The following VAT1L variants were observed in gnomAD, a reference collection of about 807,000 sequenced individuals.
VAT1L encodes vesicle amine transport 1 like.
A neutral mutation model predicts 44.1 loss-of-function variants in VAT1L; 34 were observed. The ratio of observed to expected loss-of-function variants is 0.77; its 90% CI spans 0.59 to 1.03. The LOEUF (loss-of-function observed/expected upper bound fraction) is 1.03, where lower values mean the gene tolerates loss of function less well. Ranked by LOEUF, VAT1L falls within the 50% of genes least tolerant of loss-of-function variation. The pLI is 0.00. For synonymous variants in VAT1L, 253 were observed against 202.2 expected (o/e 1.25, Z -2.13); for missense variants, 615 against 538.8 (o/e 1.14, Z -1.40).
At chr16:77,881,962 C>T (rs1225827710) in intron 6 of VAT1L, 1 of 152,244 alleles carries the variant, frequency 6.6e-6, no homozygotes, top group Admixed American at 6.5e-5. Context: ...ATAATTGCAG[C>T]GTGCCCATGC....
intron 7 of VAT1L, among the ~76,000 whole-genome samples, chr16:77,911,265 G>T (rs1170882444): frequency 6.6e-6 from 1 of 152,178 alleles, no homozygotes; most frequent in African/African-American, 2.4e-5. Context: ...AGCAGCCAAG[G>T]TCCTTGGTTA....
intron 7 of VAT1L, among the ~76,000 whole-genome samples, chr16:77,929,229 C>G (rs1435540714): frequency 6.6e-6 from 1 of 152,298 alleles, no homozygotes; most frequent in East Asian, 1.9e-4. Context: ...GAAATTCCCC[C>G]TCTCCTTCAA....
At chr16:77,950,430 ACACACAC>A (rs1205121167) in intron 7 of VAT1L, among the ~76,000 whole-genome samples, 5 of 151,534 alleles carry the variant, frequency 3.3e-5, no homozygotes, top group Non-Finnish European at 7.4e-5. Flanking sequence ...ACACACACAC[ACACACAC>A]ACACACACAC....
At chr16:77,949,558 G>C (rs1027107903) in intron 7 of VAT1L, among the ~76,000 whole-genome samples, 1 of 152,170 alleles carries the variant, frequency 6.6e-6, no homozygotes, top group Non-Finnish European at 1.5e-5. Flanking sequence ...CTCCCTGCAG[G>C]AATGGAGAGT....
chr16:77,926,047 G>A (rs988534384), intron 7 of VAT1L, among the ~76,000 whole-genome samples: 6 of 150,074 alleles, frequency 4.0e-5, no homozygotes, highest in Non-Finnish European at 7.4e-5. Flanking sequence ...TGGGTCACGA[G>A]GTCAGGAGAT....
chr16:77,970,440 G>C (rs2018267042), intron 7 of VAT1L, among the ~76,000 whole-genome samples: 1 of 152,194 alleles, frequency 6.6e-6, no homozygotes, highest in Non-Finnish European at 1.5e-5. Context: ...TGGAGCTAGA[G>C]ATTAAAACAT....
chr16:77,861,506 G>T (rs1026712719), intron 3 of VAT1L, among the ~76,000 whole-genome samples: 2 of 152,284 alleles, frequency 1.3e-5, no homozygotes, highest in East Asian at 3.9e-4. Flanking sequence ...TGGACATCTC[G>T]GCAATGGATA....
intron 7 of VAT1L, among the ~76,000 whole-genome samples, chr16:77,969,618 G>A (rs987574959): frequency 6.6e-6 from 1 of 151,990 alleles, no homozygotes; most frequent in Non-Finnish European, 1.5e-5. Flanking sequence ...TGGAAGTCAC[G>A]GTCCTTTATT....
intron 2 of VAT1L, among the ~76,000 whole-genome samples, chr16:77,820,524 A>G (rs529557361): frequency 4.6e-5 from 7 of 152,128 alleles, no homozygotes; most frequent in Non-Finnish European, 8.8e-5. Context: ...TAAGAGAAGG[A>G]CCCTCAAACC....
intron 1 of VAT1L, among the ~76,000 whole-genome samples, chr16:77,796,402 G>T (rs1003943122): frequency 1.3e-5 from 2 of 152,174 alleles, no homozygotes; most frequent in Non-Finnish European, 2.9e-5. Context: ...CATGGGGTAG[G>T]TGTCACTGAA....
At position 77,938,779 on chromosome 16, in the gene VAT1L, C is replaced by T. The variant is rs544246029; in HGVS notation, c.1078-33071C>T. Reference sequence around the variant, plus strand: ...TTACCCAGTCTCAGGTATTTCTTTACAGCACTGTGAGAACAGACTAATACA... The same window carrying T: ...TTACCCAGTCTCAGGTATTTCTTTATAGCACTGTGAGAACAGACTAATACA... On this transcript the variant is annotated intron_variant, in intron 7 of 8. Transcript: ENST00000302536. Among the ~76,000 whole-genome samples, 6 of 152,288 alleles carry T rather than the reference C, an allele frequency of 3.9e-5. No individual in the cohort carries two copies. In the East Asian group the frequency reaches 1.2e-3, roughly 29 times the overall value.
rs569695682 is a variant in VAT1L at position 77,884,077 on chromosome 16, C to G, written c.883-531C>G. On this transcript the variant is annotated intron_variant, in intron 6 of 8. Transcript: ENST00000302536. The surrounding 1 kb of genome is among the most constrained non-coding windows in gnomAD (Gnocchi z 4.5). Reference sequence around the variant, plus strand: ...ATGTGGCCATGTAGTTAGTTTTGGGCTCTCTCTCCCACTTAGACCTGAGCG... The same window carrying G: ...ATGTGGCCATGTAGTTAGTTTTGGGGTCTCTCTCCCACTTAGACCTGAGCG... Among the ~76,000 whole-genome samples the G allele has an allele frequency of 2.6e-5, 4 of 152,280 alleles. No individual in the cohort carries two copies. The East Asian group carries it at 7.7e-4, about 29-fold the overall frequency.
chr16:77,936,094 G>C (rs560658565), intron 7 of VAT1L, among the ~76,000 whole-genome samples: 19 of 152,266 alleles, frequency 1.2e-4, no homozygotes, highest in African/African-American at 4.3e-4. Flanking sequence ...TAAGGTTGTG[G>C]GGAGACTATC....
chr16:77,817,551 A>G (rs1223588072), intron 2 of VAT1L, among the ~76,000 whole-genome samples: 1 of 152,200 alleles, frequency 6.6e-6, no homozygotes, highest in African/African-American at 2.4e-5. Context: ...TTTTGGATGA[A>G]GAAGATGTTA....
rs1241624671 is a variant in VAT1L, at chr16:77,862,790, A to T, written c.622A>T (p.Thr208Ser). The T allele has an allele frequency of 1.9e-6, 3 of 1,614,010 alleles. No individual in the cohort carries two copies. The highest frequency in any genetic ancestry group is 3.3e-5 in the Admixed American group (2 of 60,006). Residue 208 changes from threonine to serine, a missense_variant, in exon 4 of 9, where the codon ACT becomes TCT. By Grantham distance (58) the Thr-to-Ser change is moderately conservative (BLOSUM62 1). Coordinates refer to ENST00000302536, the MANE Select transcript of VAT1L (RefSeq NM_020927.3). ...AQLCSTVPNV[T>S]VFGTASTFKH... ...GCTGTGTTCCACTGTCCCCAACGTGACTGTCTTTGGAACAGCCTCTACTTT... is the reference window on the plus strand; with the variant it reads ...GCTGTGTTCCACTGTCCCCAACGTGTCTGTCTTTGGAACAGCCTCTACTTT...
intron 7 of VAT1L, among the ~76,000 whole-genome samples, chr16:77,913,548 T>G (rs1567506747): frequency 6.6e-6 from 1 of 151,974 alleles, no homozygotes; most frequent in South Asian, 2.1e-4. Flanking sequence ...CTTCCTTCAG[T>G]TGGCTTCTAG....
chr16:77,792,469 G>A (rs2015852464), intron 1 of VAT1L, among the ~76,000 whole-genome samples: 1 of 152,160 alleles, frequency 6.6e-6, no homozygotes, highest in Non-Finnish European at 1.5e-5. Flanking sequence ...GGCTAGGGAA[G>A]AGGAAGGAGT....
At chr16:77,839,682 TG>T (rs1054913565) in intron 3 of VAT1L, among the ~76,000 whole-genome samples, 1 of 150,964 alleles carries the variant, frequency 6.6e-6, no homozygotes, top group African/African-American at 2.4e-5. Flanking sequence ...TACACAACCT[TG>T]GGGCGGGATC....
intron 8 of VAT1L, among the ~76,000 whole-genome samples, chr16:77,975,191 C>G (rs1473770299): frequency 4.3e-5 from 3 of 69,822 alleles, no homozygotes; most frequent in African/African-American, 1.6e-4. Context: ...ACTGGAATGA[C>G]CACTTTTTTT....
Sources: allele counts gnomAD v4.1 joint callset (sites outside exome capture counted in the v4.1 genomes callset), GRCh38; gene constraint gnomAD v4.1.1; non-coding constraint Gnocchi (gnomAD v3.1); transcripts MANE v1.5; gene names NCBI Gene and HGNC (gene_info 2026-07-23, HGNC 2026-07-21).